Variants in MACROD2 observed in about 807,000 individuals in gnomAD.
The protein encoded by MACROD2 is ADP-ribose glycohydrolase MACROD2.
MACROD2 carries 36 observed loss-of-function variants against 70.4 expected under a neutral mutation model. The observed-to-expected ratio is 0.51, with a 90% CI of 0.39 to 0.68. The LOEUF (loss-of-function observed/expected upper bound fraction) is 0.68, where lower values mean the gene tolerates loss of function less well. Ranked by LOEUF, MACROD2 falls within the 30% of genes least tolerant of loss-of-function variation. The pLI, the probability that MACROD2 is intolerant of heterozygous loss-of-function variation, is 0.00. For missense variants in MACROD2, 496 were observed against 538.4 expected (o/e 0.92, Z 0.78); for synonymous variants, 172 against 178.8 (o/e 0.96, Z 0.30).
chr20:14,239,334 A>G (rs2081908529), intron 3 of MACROD2, among the ~76,000 whole-genome samples: 1 of 152,242 alleles, frequency 6.6e-6, no homozygotes, highest in Non-Finnish European at 1.5e-5. Flanking sequence ...ATTAATATCA[A>G]GTTACCAATG....
chr20:14,002,250 G>A (rs777439888), intron 1 of MACROD2, 38 bp from the exon 2 acceptor site: 9 of 1,348,282 alleles, frequency 6.7e-6, no homozygotes, highest in South Asian at 2.6e-5. Context: ...ATGTTTAAAC[G>A]TTAAATACAA....
In MACROD2 at chr20:15,728,732, G is replaced by T. The variant is rs146627396; in HGVS notation, c.646-134013G>T. On this transcript the variant is annotated intron_variant, in intron 8 of 17. Coordinates refer to ENST00000684519, the MANE Select transcript of MACROD2 (RefSeq NM_001351661.2). ...TGAGAGTTTTTTCTATTTCTGTGTG[G>T]TAGGTGGTAATGTCCCCTTTGTCAT... Among the ~76,000 whole-genome samples the T allele has an allele frequency of 2.8e-3, 429 of 152,108 alleles. 2 individuals carry two copies. The highest frequency in any genetic ancestry group is 9.8e-3 in the African/African-American group (405 of 41,516).
intron 8 of MACROD2, among the ~76,000 whole-genome samples, chr20:15,852,297 A>G (rs1326349210): frequency 6.6e-6 from 1 of 152,244 alleles, no homozygotes; most frequent in Non-Finnish European, 1.5e-5. Context: ...GCAATTTATC[A>G]AAACAAAACA....
chr20:15,043,869 C>T (rs1216349630), intron 5 of MACROD2, among the ~76,000 whole-genome samples: 2 of 152,104 alleles, frequency 1.3e-5, no homozygotes, highest in Non-Finnish European at 2.9e-5. Flanking sequence ...CAATTTATTA[C>T]AAAGGACACA....
chr20:15,706,892 G>C (rs1017632683), intron 8 of MACROD2, among the ~76,000 whole-genome samples: 3 of 152,144 alleles, frequency 2.0e-5, no homozygotes, highest in Non-Finnish European at 4.4e-5. Context: ...TTTCACAAGT[G>C]GGCCAGGATG....
intron 3 of MACROD2, among the ~76,000 whole-genome samples, chr20:14,380,884 A>C (rs2083414160): frequency 6.6e-6 from 1 of 152,140 alleles, no homozygotes; most frequent in African/African-American, 2.4e-5. Context: ...TTTCCTATTC[A>C]GGGCTCTTTT....
intron 6 of MACROD2, among the ~76,000 whole-genome samples, chr20:15,262,027 G>A (rs1414114567): frequency 6.6e-6 from 1 of 151,816 alleles, no homozygotes; most frequent in Non-Finnish European, 1.5e-5. Context: ...ATCACCTCAA[G>A]CATTTATCCT....
rs11471542 is a variant in MACROD2 at position 14,536,626 on chromosome 20, GGT to G, written c.301+43154_301+43155del. On this transcript the variant is annotated intron_variant, in intron 4 of 17. Coordinates refer to ENST00000684519, the MANE Select transcript of MACROD2 (RefSeq NM_001351661.2). ...GGGCTGAAACCCAATAGGTAACATTGGTGTGTGTGTGTGTGTGTGTGTGTGTG... is the reference window on the plus strand; with the variant it reads ...GGGCTGAAACCCAATAGGTAACATTGGTGTGTGTGTGTGTGTGTGTGTGTG... 3.2e-3 allele frequency among the ~76,000 whole-genome samples: 451 copies of G among 139,034 alleles called. 5 individuals carry two copies. The highest frequency in any genetic ancestry group is 0.022 in the South Asian group (92 of 4,276). 91.2% of individuals were successfully genotyped at this position (139,034 alleles called of 152,430 possible). A position where few individuals can be genotyped will look rare whatever the true frequency, so the allele number is the denominator to read the frequency against.
At chr20:15,550,741 G>T (rs920119090) in intron 8 of MACROD2, among the ~76,000 whole-genome samples, 1 of 152,138 alleles carries the variant, frequency 6.6e-6, no homozygotes, top group Non-Finnish European at 1.5e-5. Flanking sequence ...CCCTGCCGGG[G>T]TAGCACAACA....
intron 12 of MACROD2, among the ~76,000 whole-genome samples, chr20:15,944,222 T>C (rs1297224725): frequency 6.6e-6 from 1 of 152,146 alleles, no homozygotes; most frequent in African/African-American, 2.4e-5. Context: ...AGGGAAAAGG[T>C]TAAAACATTT....
At chr20:14,948,686 C>T (rs1209946220) in intron 5 of MACROD2, among the ~76,000 whole-genome samples, 1 of 152,128 alleles carries the variant, frequency 6.6e-6, no homozygotes, top group African/African-American at 2.4e-5. Context: ...TAAAGAATTA[C>T]AGAGAATCAG....
intron 5 of MACROD2, among the ~76,000 whole-genome samples, chr20:15,006,431 C>A (rs562667725): frequency 6.6e-6 from 1 of 151,914 alleles, no homozygotes; most frequent in Admixed American, 6.6e-5. Context: ...TAATTTATAG[C>A]ATGGTGACTA....
chr20:14,129,137 G>A (rs1193768526), intron 3 of MACROD2, among the ~76,000 whole-genome samples: 1 of 152,164 alleles, frequency 6.6e-6, no homozygotes, highest in Non-Finnish European at 1.5e-5. Flanking sequence ...TATGGACAAA[G>A]TAATTGAAAA....
chr20:15,085,063 A>G (rs56211015), intron 5 of MACROD2, among the ~76,000 whole-genome samples: 14,388 of 152,196 alleles, frequency 0.095, 832 homozygotes, highest in South Asian at 0.25. Flanking sequence ...CAAAATATAA[A>G]TCAATAGAAT....
intron 10 of MACROD2, among the ~76,000 whole-genome samples, chr20:15,908,887 A>G (rs971617291): frequency 6.6e-6 from 1 of 152,196 alleles, no homozygotes; most frequent in Non-Finnish European, 1.5e-5. Flanking sequence ...GCTCTTGAAT[A>G]CTTTCTTCCC....
intron 5 of MACROD2, among the ~76,000 whole-genome samples, chr20:15,136,759 G>A (rs138911723): frequency 0.21 from 31,970 of 151,698 alleles, 4,615 homozygotes; most frequent in Non-Finnish European, 0.32. Flanking sequence ...AGAAACTACC[G>A]TCAGAATGAA....
intron 8 of MACROD2, among the ~76,000 whole-genome samples, chr20:15,500,679 T>C (rs1172074912): frequency 2.6e-5 from 4 of 152,214 alleles, no homozygotes; most frequent in African/African-American, 4.8e-5. Flanking sequence ...AGATGAATTA[T>C]TTGGAAATAA....
chr20:14,839,080 T>C (rs1246791094), intron 5 of MACROD2, among the ~76,000 whole-genome samples: 1 of 152,082 alleles, frequency 6.6e-6, no homozygotes, highest in African/African-American at 2.4e-5. Flanking sequence ...GCATTTATCG[T>C]TGAAGCAGCG....
intron 4 of MACROD2, among the ~76,000 whole-genome samples, chr20:14,591,778 C>T (rs1036666508): frequency 5.9e-5 from 9 of 152,162 alleles, no homozygotes; most frequent in Non-Finnish European, 1.3e-4. Context: ...AACACACTTT[C>T]GCTGTAATAG....
Sources: allele counts gnomAD v4.1 joint callset (sites outside exome capture counted in the v4.1 genomes callset), GRCh38; gene constraint gnomAD v4.1.1; transcripts MANE v1.5; gene names NCBI Gene and HGNC (gene_info 2026-07-23, HGNC 2026-07-21).